The following MIOS variants were observed in gnomAD, a reference collection of about 807,000 sequenced individuals.
MIOS encodes meiosis regulator for oocyte development, also known as GATOR2 complex protein MIOS.
MIOS carries 52 observed loss-of-function variants against 96.9 expected under a neutral mutation model. The ratio of observed to expected loss-of-function variants is 0.54; its 90% CI spans 0.43 to 0.68. The LOEUF (loss-of-function observed/expected upper bound fraction) is 0.68, where lower values mean the gene tolerates loss of function less well. Ranked by LOEUF, MIOS falls within the 30% of genes least tolerant of loss-of-function variation. The pLI, the probability that MIOS is intolerant of heterozygous loss-of-function variation, is 0.00. For missense variants in MIOS, 1,005 were observed against 1,052.8 expected, an observed-to-expected ratio of 0.95 and a Z score of 0.63; for synonymous variants, 397 against 359.5, an observed-to-expected ratio of 1.10 and a Z score of -1.18.
chr7:7,585,772 G>A lies in MIOS; in HGVS notation c.1785G>A (p.Leu595=), dbSNP rs1180845424. 6.2e-7 allele frequency: 1 copy of A among 1,611,290 alleles called. No homozygotes were observed. Among genetic ancestry groups the A allele is most frequent in the Non-Finnish European group, 8.5e-7 (1 of 1,178,756 alleles). The change falls in exon 7 of 13, where the codon CTG becomes CTA. Residue 595 remains leucine (L), a synonymous_variant. Transcript: ENST00000340080. The part of the protein sequence containing the change: ...NPYLCVMFAF[L]TSETGSYDGV... ...ATTTGTGTGTCATGTTTGCATTTCT[G>A]ACAAGTGAAACAGGATCTTACGATG... is the stretch of plus-strand genomic sequence containing the variant.
In MIOS at chr7:7,596,455, T is replaced by G. The variant is rs1332313015; in HGVS notation, c.2395T>G (p.Cys799Gly). The G allele has an allele frequency of 6.2e-7, 1 of 1,613,134 alleles. No homozygotes were observed. The highest frequency in any genetic ancestry group is 1.7e-5 in the Admixed American group (1 of 60,038). The change falls in exon 11 of 13, where the codon TGT becomes GGT. Residue 799 changes from cysteine (C) to glycine (G), a missense_variant. By Grantham distance (159) the Cys-to-Gly change is radical (BLOSUM62 -3). Coordinates refer to ENST00000340080, the MANE Select transcript of MIOS (RefSeq NM_019005.4). ...LINMGTPVSS[C>G]PGGTKSDEKV... The stretch of plus-strand genomic sequence containing the variant: ...TAATATGGGAACACCAGTTTCTAGC[T>G]GTCCTGGTATGACATAATTTTACAA...
intron 3 of MIOS, among the ~76,000 whole-genome samples, chr7:7,570,829 T>C (rs1410288779): frequency 6.6e-6 from 1 of 152,130 alleles, no homozygotes; most frequent in East Asian, 1.9e-4. Context: ...CAGATGACGC[T>C]TAGCTCCCTT....
At chr7:7,568,763 A>G (rs1412646183) in intron 3 of MIOS, among the ~76,000 whole-genome samples, 1 of 152,230 alleles carries the variant, frequency 6.6e-6, no homozygotes, top group Non-Finnish European at 1.5e-5. Context: ...TAACCACCCA[A>G]ACATCTGGTC....
At position 7,596,309 on chromosome 7, in the gene MIOS, C is replaced by T. The variant is rs1317972789; in HGVS notation, c.2249C>T (p.Ala750Val). 6.2e-7 allele frequency: 1 copy of T among 1,614,000 alleles called. No homozygotes were observed. Among genetic ancestry groups the T allele is most frequent in the Non-Finnish European group, 8.5e-7 (1 of 1,180,024 alleles). ...AAGTCAATCTCCTACAGCTGTTCAG[C>T]TGTGCCTCATCAGGGCAGAGGTTTT... is the stretch of plus-strand genomic sequence containing the variant. ...CGKSISYSCS[A>V]VPHQGRGFSQ... Residue 750 changes from alanine (A) to valine (V), a missense_variant, in exon 11 of 13, where the codon GCT (alanine) becomes GTT (valine). By Grantham distance (64) the Ala-to-Val change is moderately conservative. Around this residue, in one of 3 missense-constraint regions of MIOS, gnomAD observed 865 missense variants for 887.9 expected, o/e 0.97. Transcript: ENST00000340080.
chr7:7,587,086 C>G (rs1783912323), intron 7 of MIOS, among the ~76,000 whole-genome samples: 1 of 151,030 alleles, frequency 6.6e-6, no homozygotes. Context: ...TGGCAGCTCA[C>G]TGCAACCTCC....
chr7:7,578,712 ATT>A (rs879763099), intron 5 of MIOS, among the ~76,000 whole-genome samples: 4 of 146,362 alleles, frequency 2.7e-5, no homozygotes, highest in East Asian at 2.0e-4. Context: ...TTAAATCCTA[ATT>A]TTTTTTTTTT....
At chr7:7,581,717 C>A (rs140187760) in intron 5 of MIOS, 2 of 152,206 alleles carry the variant, frequency 1.3e-5, no homozygotes, top group Non-Finnish European at 2.9e-5. Flanking sequence ...TTCCTTGCCA[C>A]GTGGCCTTCT....
At chr7:7,605,580 C>T (rs1341354521) in intron 11 of MIOS, 1 of 168,274 alleles carries the variant, frequency 5.9e-6, no homozygotes, top group African/African-American at 2.4e-5. Flanking sequence ...CAGGCATGAG[C>T]CATCACACCC....
At chr7:7,595,868 A>G (rs1784189698) in intron 10 of MIOS, among the ~76,000 whole-genome samples, 1 of 152,224 alleles carries the variant, frequency 6.6e-6, no homozygotes, top group African/African-American at 2.4e-5. Context: ...TCTTTGTCTT[A>G]GGAACAGCGT....
intron 5 of MIOS, among the ~76,000 whole-genome samples, chr7:7,581,467 G>A (rs541493650): frequency 4.7e-4 from 72 of 151,992 alleles, no homozygotes; most frequent in African/African-American, 1.7e-3. Context: ...TTACTATCTC[G>A]TCATTTCCAT....
chr7:7,571,391 A>G (rs544514103), intron 3 of MIOS, among the ~76,000 whole-genome samples: 1 of 152,332 alleles, frequency 6.6e-6, no homozygotes, highest in Non-Finnish European at 1.5e-5. Context: ...TGATCACTTA[A>G]TCCACTTTCT....
In MIOS at chr7:7,608,415, A is replaced by G. The variant is rs1305916032; in HGVS notation, c.*1323A>G. The G allele has an allele frequency of 1.3e-5, 2 of 152,092 alleles. No homozygotes were observed. Among genetic ancestry groups the G allele is most frequent in the Non-Finnish European group, 2.9e-5 (2 of 67,962 alleles). 9.4% of individuals were successfully genotyped at this position (152,092 alleles called of 1,614,324 possible). A position where few individuals can be genotyped will look rare whatever the true frequency, so the allele number is the denominator to read the frequency against. On this transcript the variant is annotated 3_prime_UTR_variant, in exon 13 of 13. Transcript: ENST00000340080. Reference sequence around the variant, plus strand: ...CAGATTAGTTTGAGGTGTAACCTAAATATTAAAAGTAGATTAAATTTATTT... The same window carrying G: ...CAGATTAGTTTGAGGTGTAACCTAAGTATTAAAAGTAGATTAAATTTATTT...
At position 7,607,100 on chromosome 7, in the gene MIOS, C is replaced by T. The variant is rs186532970; in HGVS notation, c.*8C>T. The stretch of plus-strand genomic sequence containing the variant: ...GAGACTGTCCAGCCATAAAATGTTA[C>T]CACCTTAAGAGAACCCTTCAAGTGT... On this transcript the variant is annotated 3_prime_UTR_variant, in exon 13 of 13. Coordinates refer to ENST00000340080, the MANE Select transcript of MIOS (RefSeq NM_019005.4). The T allele has an allele frequency of 1.2e-6, 2 of 1,602,926 alleles. No homozygotes were observed. Among genetic ancestry groups the T allele is most frequent in the Non-Finnish European group, 1.7e-6 (2 of 1,173,750 alleles).
chr7:7,589,547 G>A lies in MIOS; in HGVS notation c.2027G>A (p.Ser676Asn). 1 of 1,611,546 alleles carries A rather than the reference G, an allele frequency of 6.2e-7. No individual in the cohort carries two copies. Among genetic ancestry groups the A allele is most frequent in the Non-Finnish European group, 8.5e-7 (1 of 1,178,434 alleles). ...VDRTGDVQTASYCMLQGSPLD... is the reference protein window; with the variant it reads ...VDRTGDVQTANYCMLQGSPLD... ...AGAACTGGAGATGTTCAAACAGCAA[G>A]TTACTGTATGTTACAGGTCAGTGCA... Residue 676 changes from serine to asparagine, a missense_variant, in exon 9 of 13, where the codon AGT becomes AAT. By Grantham distance (46) the Ser-to-Asn change is conservative. Around this residue, in one of 3 missense-constraint regions of MIOS, gnomAD observed 865 missense variants for 887.9 expected, o/e 0.97. Transcript: ENST00000340080.
intron 11 of MIOS, among the ~76,000 whole-genome samples, chr7:7,598,348 T>C (rs1231322886): frequency 6.6e-6 from 1 of 152,232 alleles, no homozygotes; most frequent in African/African-American, 2.4e-5. Flanking sequence ...ATCATTACAT[T>C]AACATTTATG....
intron 5 of MIOS, 75 bp from the exon 6 acceptor site, chr7:7,583,043 A>C: frequency 7.0e-7 from 1 of 1,420,798 alleles, no homozygotes; most frequent in African/African-American, 1.4e-5. Flanking sequence ...GTGTCAACAT[A>C]GTTCTCTGTA....
At chr7:7,575,994 A>C (rs1783519808) in intron 5 of MIOS, among the ~76,000 whole-genome samples, 1 of 152,038 alleles carries the variant, frequency 6.6e-6, no homozygotes, top group African/African-American at 2.4e-5. Context: ...TTATTTGGCC[A>C]TACCTTTTCC....
At chr7:7,586,733 T>C (rs1019740693) in intron 7 of MIOS, among the ~76,000 whole-genome samples, 4 of 152,186 alleles carry the variant, frequency 2.6e-5, no homozygotes, top group Non-Finnish European at 5.9e-5. Context: ...ATTGAACTTT[T>C]TCTGACCAAT....
Position 7,573,848 on chromosome 7 carries a change from A to G in MIOS, c.1294+79A>G, listed in dbSNP as rs1459922286. ...AGTTTGCCAAAAGGTCAGTCTGTAA[A>G]TATGCTCAATGTTTTATATACAAAT... On this transcript the variant is annotated intron_variant, in intron 4 of 12. Coordinates refer to ENST00000340080, the MANE Select transcript of MIOS (RefSeq NM_019005.4). The surrounding 1 kb of genome is among the most constrained non-coding windows in gnomAD (Gnocchi z 5.0). 1 of 1,280,084 alleles carries G rather than the reference A, an allele frequency of 7.8e-7. No individual in the cohort carries two copies. The highest frequency in any genetic ancestry group is 1.5e-5 in the African/African-American group (1 of 66,938). The allele number at this position is 1,280,084 out of a possible 1,614,324, so 79.3% of individuals were successfully genotyped here. A position where few individuals can be genotyped will look rare whatever the true frequency, so the allele number is the denominator to read the frequency against.
Sources: gnomAD v4.1 joint callset for allele counts (sites outside exome capture counted in the v4.1 genomes callset) on GRCh38, gnomAD v4.1.1 for gene constraint, gnomAD v4.1.1 regional missense constraint, Gnocchi (gnomAD v3.1) non-coding constraint, MANE v1.5 for transcripts, NCBI Gene and HGNC (gene_info 2026-07-23, HGNC 2026-07-21) for gene names.